MEF2D: variants seen among roughly 807,000 people sequenced by gnomAD.
The protein encoded by MEF2D is myocyte-specific enhancer factor 2D.
In MEF2D, 10 loss-of-function variants were observed where a neutral mutation model predicts 59.3. That is an observed-to-expected ratio of 0.17 (90% CI 0.10 to 0.29). The LOEUF is 0.29. Ranked by LOEUF, MEF2D falls within the 10% of genes least tolerant of loss-of-function variation. MEF2D has a pLI of 1.00. For missense variants in MEF2D, 508 were observed against 699.4 expected (o/e 0.73, Z 3.09); for synonymous variants, 305 against 295.0 (o/e 1.03, Z -0.35).
intron 6 of MEF2D, among the ~76,000 whole-genome samples, chr1:156,478,977 C>A (rs1671806111): frequency 6.6e-6 from 1 of 152,194 alleles, no homozygotes; most frequent in Non-Finnish European, 1.5e-5. Flanking sequence ...GAACGCCCGG[C>A]ATTCTCATCC....
chr1:156,491,555 A>G (rs894041457), intron 1 of MEF2D, among the ~76,000 whole-genome samples: 1 of 152,240 alleles, frequency 6.6e-6, no homozygotes, highest in African/African-American at 2.4e-5. Context: ...CTGGTCAGCC[A>G]GAACAAGTAC....
At chr1:156,497,431 A>C (rs1673194230) in intron 1 of MEF2D, among the ~76,000 whole-genome samples, 1 of 152,178 alleles carries the variant, frequency 6.6e-6, no homozygotes, top group Non-Finnish European at 1.5e-5. Context: ...GGATGGGGAG[A>C]ATCCCAGCAC....
intron 1 of MEF2D, among the ~76,000 whole-genome samples, chr1:156,493,638 T>C (rs1672955902): frequency 6.6e-6 from 1 of 152,240 alleles, no homozygotes; most frequent in Admixed American, 6.5e-5. Context: ...CCGTGCTCCT[T>C]ACCAATACCT....
chr1:156,497,952 C>A (rs1673226624), intron 1 of MEF2D, among the ~76,000 whole-genome samples: 2 of 151,682 alleles, frequency 1.3e-5, no homozygotes, highest in African/African-American at 4.8e-5. Flanking sequence ...AGGGGCTGGG[C>A]CATAATCAAT....
intron 6 of MEF2D, among the ~76,000 whole-genome samples, chr1:156,478,971 G>A (rs1441236904): frequency 1.3e-5 from 2 of 152,272 alleles, no homozygotes; most frequent in African/African-American, 4.8e-5. Context: ...TCTAGGGAAC[G>A]CCCGGCATTC....
rs768609965 is a variant in MEF2D, at chr1:156,475,151, G to A, written c.963C>T (p.Ser321=). Residue 321 remains serine, a synonymous_variant, in exon 9 of 12, where the codon AGC becomes AGT. Transcript: ENST00000348159. Reference sequence around the variant, plus strand: ...GCATGGAAGAGAAGGGGAGGCCCTGGCTGAGTAAACTCGGCGTTGCCACAG... The same window carrying A: ...GCATGGAAGAGAAGGGGAGGCCCTGACTGAGTAAACTCGGCGTTGCCACAG... ...VVSVATPSLL[S]QGLPFSSMPT... 6.2e-7 allele frequency: 1 copy of A among 1,614,238 alleles called. No homozygotes were observed. The highest frequency in any genetic ancestry group is 8.5e-7 in the Non-Finnish European group (1 of 1,180,036).
rs949159882 is a variant in MEF2D, at chr1:156,466,725, C to T, written c.*920G>A. 1.3e-5 allele frequency: 2 copies of T among 152,874 alleles called. No individual in the cohort carries two copies. Among genetic ancestry groups the T allele is most frequent in the African/African-American group, 4.8e-5 (2 of 41,434 alleles). The allele number at this position is 152,874 out of a possible 1,614,324, so 9.5% of individuals were successfully genotyped here. On this transcript the variant is annotated 3_prime_UTR_variant, in exon 12 of 12. Coordinates refer to ENST00000348159, the MANE Select transcript of MEF2D (RefSeq NM_005920.4). ...TCACTGAAGACCCTCTCCCCATTCT[C>T]CCTGCACACTGTGGCCAGCTTTACA...
At chr1:156,484,286 G>A (rs971747808) in intron 1 of MEF2D, 3 of 152,216 alleles carry the variant, frequency 2.0e-5, no homozygotes, top group Non-Finnish European at 2.9e-5. Context: ...CCAGGAGATG[G>A]AAATTTTTGG....
rs1326075124 is a variant in MEF2D, at chr1:156,464,023, T to C, written c.*3622A>G. ...CATCCTGCCCCTCCCTTCCTCTTCC[T>C]CACCACCTCCCTCCCTCTGGAGAAT... On this transcript the variant is annotated 3_prime_UTR_variant, in exon 12 of 12. Coordinates refer to ENST00000348159, the MANE Select transcript of MEF2D (RefSeq NM_005920.4). 1.3e-5 allele frequency: 2 copies of C among 152,564 alleles called. No homozygotes were observed. Among genetic ancestry groups the C allele is most frequent in the Non-Finnish European group, 2.9e-5 (2 of 68,022 alleles). The allele number at this position is 152,564 out of a possible 1,614,324, so 9.5% of individuals were successfully genotyped here.
intron 1 of MEF2D, among the ~76,000 whole-genome samples, chr1:156,491,510 A>AC (rs1054081860): frequency 3.3e-5 from 5 of 151,994 alleles, no homozygotes; most frequent in Non-Finnish European, 5.9e-5. Context: ...CTAAACAGTA[A>AC]CCCCCCAACA....
rs1362330422 is a variant in MEF2D, at chr1:156,500,570, C to T, written c.-223G>A. On this transcript the variant is annotated 5_prime_UTR_variant, in exon 1 of 12. Transcript: ENST00000348159. Reference sequence around the variant, plus strand: ...CCGGGGGATCTTCAACACCGGGAAGCCGCAGCTCCGGGCGGGGAGAATAAT... The same window carrying T: ...CCGGGGGATCTTCAACACCGGGAAGTCGCAGCTCCGGGCGGGGAGAATAAT... 1 of 152,352 alleles carries T rather than the reference C, an allele frequency of 6.6e-6. No homozygotes were observed. The highest frequency in any genetic ancestry group is 2.1e-4 in the South Asian group (1 of 4,838). 9.4% of individuals were successfully genotyped at this position (152,352 alleles called of 1,614,324 possible).
intron 3 of MEF2D, among the ~76,000 whole-genome samples, chr1:156,481,391 C>T (rs1672008249): frequency 6.6e-6 from 1 of 152,076 alleles, no homozygotes; most frequent in Admixed American, 6.5e-5. Context: ...GGGAGGTAGG[C>T]AGGGGGGCTC....
intron 1 of MEF2D, among the ~76,000 whole-genome samples, chr1:156,487,871 G>A (rs1672471696): frequency 1.3e-5 from 2 of 152,192 alleles, no homozygotes; most frequent in African/African-American, 2.4e-5. Context: ...CAGATGATCC[G>A]GCCCTTGGCT....
Position 156,467,979 on chromosome 1 carries a change from T to C in MEF2D, c.1554+14A>G. 6.2e-7 allele frequency: 1 copy of C among 1,601,050 alleles called. No individual in the cohort carries two copies. The highest frequency in any genetic ancestry group is 8.5e-7 in the Non-Finnish European group (1 of 1,174,282). ...AGCAGACACTGGCAGACAGGAGAGG[T>C]GATGCTACAGTACCCAGGTATCAAG... On this transcript the variant is annotated intron_variant, in intron 11 of 11. Coordinates refer to ENST00000348159, the MANE Select transcript of MEF2D (RefSeq NM_005920.4).
rs1670931222 is a variant in MEF2D at position 156,467,583 on chromosome 1, G to C, written c.*62C>G. On this transcript the variant is annotated 3_prime_UTR_variant, in exon 12 of 12. Coordinates refer to ENST00000348159, the MANE Select transcript of MEF2D (RefSeq NM_005920.4). ...AGCGGGAGGAGCCCGGGGCAGGGAA[G>C]GGCGGGCGGTGAGATTGTCAACTCT... 1 of 1,293,120 alleles carries C rather than the reference G, an allele frequency of 7.7e-7. No individual in the cohort carries two copies. The highest frequency in any genetic ancestry group is 3.2e-5 in the South Asian group (1 of 31,564). 80.1% of individuals were successfully genotyped at this position (1,293,120 alleles called of 1,614,324 possible).
In MEF2D at chr1:156,467,684, G is replaced by T. The variant is rs775692452; in HGVS notation, c.1555-28C>A. ...GTGAAGAGAGGAGATGGAGAAGGGG[G>T]TGTGAGGGGGTGGCCCAGGCTTTGG... On this transcript the variant is annotated intron_variant, in intron 11 of 11. Transcript: ENST00000348159. The T allele has an allele frequency of 5.9e-6, 8 of 1,350,396 alleles. 1 individual carries two copies. The highest frequency in any genetic ancestry group is 7.7e-6 in the Non-Finnish European group (8 of 1,043,628). The allele number at this position is 1,350,396 out of a possible 1,614,324, so 83.7% of individuals were successfully genotyped here.
chr1:156,499,346 C>T (rs980320934), intron 1 of MEF2D: 2 of 152,274 alleles, frequency 1.3e-5, no homozygotes, highest in African/African-American at 4.8e-5. Context: ...CAGGATCCCC[C>T]CCAACCCGCT....
At chr1:156,476,635 C>A in intron 7 of MEF2D, 121 bp from the exon 8 acceptor site, 1 of 1,214,024 alleles carries the variant, frequency 8.2e-7, no homozygotes. Flanking sequence ...CTCTACCCAG[C>A]CTACAAAGGC....
chr1:156,492,001 A>G (rs1672831131), intron 1 of MEF2D, among the ~76,000 whole-genome samples: 1 of 152,226 alleles, frequency 6.6e-6, no homozygotes, highest in Non-Finnish European at 1.5e-5. Context: ...TCTCAGTCCA[A>G]CTGGGTCCCC....
Sources: allele counts gnomAD v4.1 joint callset (sites outside exome capture counted in the v4.1 genomes callset), GRCh38; gene constraint gnomAD v4.1.1; transcripts MANE v1.5; gene names NCBI Gene and HGNC (gene_info 2026-07-23, HGNC 2026-07-21).